The following DAB1 variants were observed in gnomAD, a reference collection of about 807,000 sequenced individuals.
The protein encoded by DAB1 is DAB adaptor protein 1, also known as disabled homolog 1.
Under a neutral mutation model 64.6 loss-of-function variants are expected in DAB1, and 15 were observed. That is an observed-to-expected ratio of 0.23 (90% CI 0.16 to 0.36). DAB1 has a LOEUF of 0.36. DAB1 is among the 10% of genes least tolerant of loss of function. DAB1 has a pLI of 1.00. For missense variants in DAB1, 596 were observed against 706.7 expected, an observed-to-expected ratio of 0.84 and a Z score of 1.78; for synonymous variants, 235 against 251.9, an observed-to-expected ratio of 0.93 and a Z score of 0.64.
chr1:57,153,872 C>A (rs1170187218), intron 2 of DAB1, among the ~76,000 whole-genome samples: 1 of 152,128 alleles, frequency 6.6e-6, no homozygotes, highest in Non-Finnish European at 1.5e-5. Flanking sequence ...ATCTCCTGAC[C>A]TTGTGATCCA....
intron 3 of DAB1, among the ~76,000 whole-genome samples, chr1:58,462,116 T>TG (rs1192429885): frequency 1.4e-5 from 1 of 72,794 alleles, no homozygotes; most frequent in Non-Finnish European, 2.9e-5. Flanking sequence ...AAGGTTTCTT[T>TG]TTTTTTTTTT....
At chr1:58,397,111 G>A (rs910988302) in intron 3 of DAB1, among the ~76,000 whole-genome samples, 1 of 151,842 alleles carries the variant, frequency 6.6e-6, no homozygotes, top group Non-Finnish European at 1.5e-5. Context: ...GAGGGCAAGA[G>A]AGAAGTAGGT....
In DAB1 at chr1:58,091,935, A is replaced by AACACACACACACACACACAC. The variant is rs59390109; in HGVS notation, n.387+58556_387+58575dup. On this transcript the variant is annotated intron_variant and non_coding_transcript_variant, in intron 5 of 20. Transcript: ENST00000485760. The stretch of plus-strand genomic sequence containing the variant: ...AGTTAGGATGCTTTGAGCTGCATTA[A>AACACACACACACACACACAC]ACACACACACACACACACACACACA... 2.3e-3 allele frequency among the ~76,000 whole-genome samples: 331 copies of AACACACACACACACACACAC among 141,894 alleles called. 3 individuals are homozygous for AACACACACACACACACACAC. The highest frequency in any genetic ancestry group is 8.0e-3 in the African/African-American group (297 of 36,972). The allele number at this position is 141,894 out of a possible 152,430, so 93.1% of individuals were successfully genotyped here. A position where few individuals can be genotyped will look rare whatever the true frequency, so the allele number is the denominator to read the frequency against.
intron 7 of DAB1, among the ~76,000 whole-genome samples, chr1:57,478,007 CTCG>C (rs1396795956): frequency 6.6e-6 from 1 of 151,782 alleles, no homozygotes; most frequent in African/African-American, 2.4e-5. Flanking sequence ...CACCCATTAA[CTCG>C]TCATTTACAT....
intron 9 of DAB1, among the ~76,000 whole-genome samples, chr1:57,056,710 T>A (rs1311457242): frequency 1.4e-5 from 2 of 147,036 alleles, no homozygotes; most frequent in Non-Finnish European, 3.0e-5. Context: ...CTAAAAATAC[T>A]AAAATTAGCC....
rs541154616 is a variant in DAB1 at position 57,833,841 on chromosome 1, A to G, written n.88-7386T>C. On this transcript the variant is annotated intron_variant and non_coding_transcript_variant, in intron 1 of 1. Coordinates refer to the DAB1 transcript ENST00000477280. ...GAGGAAAGAAACTCATTTTGTTCAG[A>G]CTTGTTTTAGCTATGGTTTAACACA... 5.9e-5 allele frequency among the ~76,000 whole-genome samples: 9 copies of G among 152,338 alleles called. No individual in the cohort carries two copies. In the South Asian group the frequency reaches 1.9e-3, roughly 32 times the overall value.
chr1:58,238,266 T>C (rs1447197483), intron 4 of DAB1, among the ~76,000 whole-genome samples: 1 of 152,194 alleles, frequency 6.6e-6, no homozygotes, highest in African/African-American at 2.4e-5. Flanking sequence ...GGAAGTCACC[T>C]CACCCAGTCC....
At chr1:57,831,014 C>T (rs1652559140) in intron 1 of DAB1, among the ~76,000 whole-genome samples, 1 of 152,038 alleles carries the variant, frequency 6.6e-6, no homozygotes, top group African/African-American at 2.4e-5. Flanking sequence ...CCTGGGTTCA[C>T]ACCATTCTCC....
chr1:58,090,792 A>T (rs1302289220), intron 5 of DAB1, among the ~76,000 whole-genome samples: 1 of 152,198 alleles, frequency 6.6e-6, no homozygotes, highest in African/African-American at 2.4e-5. Flanking sequence ...CAGACTAACA[A>T]GGAGGCAATT....
chr1:57,199,922 CA>C (rs1015926192), intron 2 of DAB1, among the ~76,000 whole-genome samples: 4 of 152,144 alleles, frequency 2.6e-5, no homozygotes, highest in Non-Finnish European at 5.9e-5. Context: ...ATGGACGGGC[CA>C]AATGAGTCCA....
intron 2 of DAB1, among the ~76,000 whole-genome samples, chr1:57,151,449 AT>A (rs1345841883): frequency 6.6e-6 from 1 of 152,118 alleles, no homozygotes; most frequent in African/African-American, 2.4e-5. Flanking sequence ...GTAATGAAGA[AT>A]CCCCTGTAAA....
chr1:57,872,197 G>A (rs1643963543), intron 1 of DAB1, among the ~76,000 whole-genome samples: 2 of 152,172 alleles, frequency 1.3e-5, no homozygotes, highest in Admixed American at 6.5e-5. Flanking sequence ...TGATCTGAAT[G>A]TATATGTTTT....
At chr1:57,767,244 G>A (rs1649352616) in intron 6 of DAB1, among the ~76,000 whole-genome samples, 1 of 152,080 alleles carries the variant, frequency 6.6e-6, no homozygotes, top group African/African-American at 2.4e-5. Flanking sequence ...AGATATCTAG[G>A]GGCCCACAAG....
chr1:57,534,611 C>T (rs1949830), intron 7 of DAB1, among the ~76,000 whole-genome samples: 35,428 of 152,044 alleles, frequency 0.23, 4,360 homozygotes, highest in South Asian at 0.4. Flanking sequence ...GGATTATTTT[C>T]CTTGTGTTTT....
chr1:57,565,802 T>C (rs1261274799), intron 7 of DAB1, among the ~76,000 whole-genome samples: 1 of 152,134 alleles, frequency 6.6e-6, no homozygotes, highest in East Asian at 1.9e-4. Flanking sequence ...ACAAAGAGAC[T>C]TAAGACTCCC....
chr1:57,315,658 A>G (rs1258672537), intron 1 of DAB1, among the ~76,000 whole-genome samples: 8 of 151,962 alleles, frequency 5.3e-5, no homozygotes, highest in Non-Finnish European at 1.0e-4. Context: ...GCCTGCCACC[A>G]CGCCCAGCTA....
At chr1:58,081,998 G>T (rs562437435) in intron 5 of DAB1, among the ~76,000 whole-genome samples, 27 of 151,532 alleles carry the variant, frequency 1.8e-4, no homozygotes, top group African/African-American at 4.6e-4. Flanking sequence ...AGAATTCTAG[G>T]ATTTTAGATC....
At chr1:57,781,807 C>G (rs1337596492) in intron 6 of DAB1, among the ~76,000 whole-genome samples, 1 of 151,362 alleles carries the variant, frequency 6.6e-6, no homozygotes, top group Non-Finnish European at 1.5e-5. Context: ...TAATTTGGTA[C>G]CTTGAAGACA....
At position 58,440,044 on chromosome 1, in the gene DAB1, A is replaced by G. The variant is rs370881219; in HGVS notation, n.257+66016T>C. ...CTGACAAGATTTTAGGGAGGACTAG[A>G]CACCTTGATGAAATTGTGGAACCCC... On this transcript the variant is annotated intron_variant and non_coding_transcript_variant, in intron 3 of 20. Coordinates refer to the DAB1 transcript ENST00000485760. 1.5e-4 allele frequency among the ~76,000 whole-genome samples: 23 copies of G among 152,314 alleles called. 1 individual carries two copies. Among genetic ancestry groups the G allele is most frequent in the African/African-American group, 5.5e-4 (23 of 41,570 alleles).
Sources: allele counts gnomAD v4.1 joint callset (sites outside exome capture counted in the v4.1 genomes callset), GRCh38; gene constraint gnomAD v4.1.1; transcripts MANE v1.5; gene names NCBI Gene and HGNC (gene_info 2026-07-23, HGNC 2026-07-21).